The following MMP25 variants were observed in gnomAD, a reference collection of about 807,000 sequenced individuals.
MMP25 encodes matrix metallopeptidase 25, also known as matrix metalloproteinase-25.
A neutral mutation model predicts 62.1 loss-of-function variants in MMP25; 68 were observed. That is an observed-to-expected ratio of 1.10 (90% confidence interval 0.90 to 1.34). MMP25 has a LOEUF of 1.34. Ranked by LOEUF, MMP25 falls within the 40% of genes most tolerant of loss-of-function variation. MMP25 has a pLI of 0.00. For synonymous variants in MMP25, 407 were observed against 345.6 expected (o/e 1.18, Z -1.97); for missense variants, 942 against 792.5 (o/e 1.19, Z -2.26).
chr16:3,046,747 G>A lies in MMP25; in HGVS notation c.-171G>A. The A allele has an allele frequency of 2.3e-6, 1 of 431,098 alleles. No individual in the cohort carries two copies. The allele number at this position is 431,098 out of a possible 1,614,324, so 26.7% of individuals were successfully genotyped here. A position where few individuals can be genotyped will look rare whatever the true frequency, so the allele number is the denominator to read the frequency against. ...TCCGGGACCCTCCGCTGACTCCACCGCGCACTTCCCGGGACCCCCACACAC... is the reference window on the plus strand; with the variant it reads ...TCCGGGACCCTCCGCTGACTCCACCACGCACTTCCCGGGACCCCCACACAC... On this transcript the variant is annotated 5_prime_UTR_variant, in exon 1 of 10. Coordinates refer to ENST00000336577, the MANE Select transcript of MMP25 (RefSeq NM_022468.5).
intron 2 of MMP25, among the ~76,000 whole-genome samples, chr16:3,049,264 A>T (rs572434329): frequency 6.6e-6 from 1 of 152,010 alleles, no homozygotes; most frequent in Non-Finnish European, 1.5e-5. Context: ...CGGGGTGTAT[A>T]TTTTGGAGGC....
rs1255586803 is a variant in MMP25, at chr16:3,057,172, G to C, written c.801G>C (p.Leu267=). 1 of 1,612,968 alleles carries C rather than the reference G, an allele frequency of 6.2e-7. No individual in the cohort carries two copies. The highest frequency in any genetic ancestry group is 1.7e-5 in the Admixed American group (1 of 59,806). Residue 267 remains leucine, a synonymous_variant, in exon 5 of 10, where the codon CTG becomes CTC. Transcript: ENST00000336577. Reference sequence around the variant, plus strand: ...TGGGCGACCCTGACAAGTACCGCCTGTCTCAGGATGACCGCGATGGCCTGC... The same window carrying C: ...TGGGCGACCCTGACAAGTACCGCCTCTCTCAGGATGACCGCGATGGCCTGC... ...GPVGDPDKYR[L]SQDDRDGLQQ...
rs984163883 is a variant in MMP25, at chr16:3,046,578, C to A, written c.-340C>A. 5.2e-6 allele frequency: 1 copy of A among 191,904 alleles called. No homozygotes were observed. The highest frequency in any genetic ancestry group is 2.4e-5 in the African/African-American group (1 of 42,332). 11.9% of individuals were successfully genotyped at this position (191,904 alleles called of 1,614,324 possible). A position where few individuals can be genotyped will look rare whatever the true frequency, so the allele number is the denominator to read the frequency against. ...CCCGCCCCACCCAGCCCTCCGCTCGCGCCCGGAGAGGAGGGGCCGCTGGCG... is the reference window on the plus strand; with the variant it reads ...CCCGCCCCACCCAGCCCTCCGCTCGAGCCCGGAGAGGAGGGGCCGCTGGCG... On this transcript the variant is annotated 5_prime_UTR_variant, in exon 1 of 10. Coordinates refer to ENST00000336577, the MANE Select transcript of MMP25 (RefSeq NM_022468.5).
rs1348962500 is a variant in MMP25 at position 3,050,318 on chromosome 16, G to A, written c.433G>A (p.Ala145Thr). Residue 145 changes from alanine (A) to threonine (T), a missense_variant, in exon 4 of 10, where the codon GCC (alanine) becomes ACC (threonine). Transcript: ENST00000336577. ...QETVRVLMSY[A>T]LMAWGMESGL... ...GACCGTGCGGGTCCTCATGAGCTAT[G>A]CCCTGATGGCCTGGGGCATGGAGTC... The A allele has an allele frequency of 2.5e-6, 4 of 1,613,824 alleles. No individual in the cohort carries two copies. The Admixed American group carries it at 5.0e-5, about 20-fold the overall frequency.
Position 3,047,436 on chromosome 16 carries a change from T to G in MMP25, c.121T>G (p.Tyr41Asp). 1 of 1,613,602 alleles carries G rather than the reference T, an allele frequency of 6.2e-7. No individual in the cohort carries two copies. The highest frequency in any genetic ancestry group is 8.5e-7 in the Non-Finnish European group (1 of 1,179,818). Residue 41 changes from tyrosine (Y) to aspartate (D), a missense_variant, in exon 2 of 10, where the codon TAC becomes GAC. Transcript: ENST00000336577. ...LGVDWLTRYG[Y>D]LPPPHPAQAQ... is the part of the protein sequence containing the mutation. ...CTAGGACTGGCTGACTCGCTATGGTTACCTGCCGCCACCCCACCCTGCCCA... is the reference window on the plus strand; with the variant it reads ...CTAGGACTGGCTGACTCGCTATGGTGACCTGCCGCCACCCCACCCTGCCCA...
Position 3,047,416 on chromosome 16 carries a change from A to G in MMP25, c.101A>G (p.Asp34Gly), listed in dbSNP as rs1193184303. ...CACCTGCCCCCTCCGATGCCCTAGGACTGGCTGACTCGCTATGGTTACCTG... is the reference window on the plus strand; with the variant it reads ...CACCTGCCCCCTCCGATGCCCTAGGGCTGGCTGACTCGCTATGGTTACCTG... ...PSAQDVSLGV[D>G]WLTRYGYLPP... Residue 34 changes from aspartate (D) to glycine (G), a missense_variant and splice_region_variant, in exon 2 of 10, where the codon GAC (aspartate) becomes GGC (glycine). Transcript: ENST00000336577. 1 of 1,612,938 alleles carries G rather than the reference A, an allele frequency of 6.2e-7. No individual in the cohort carries two copies. The highest frequency in any genetic ancestry group is 8.5e-7 in the Non-Finnish European group (1 of 1,179,476).
intron 2 of MMP25, among the ~76,000 whole-genome samples, chr16:3,048,085 G>A (rs990182357): frequency 2.6e-5 from 4 of 152,078 alleles, no homozygotes; most frequent in African/African-American, 7.2e-5. Context: ...GTAACCCGCC[G>A]GCCTTGGCCT....
At chr16:3,056,692 G>A (rs1280152426) in intron 4 of MMP25, 3 of 245,136 alleles carry the variant, frequency 1.2e-5, no homozygotes, top group East Asian at 9.7e-5. Context: ...TGGGTTTACA[G>A]GCATGAGCCA....
Position 3,057,059 on chromosome 16 carries a change from G to A in MMP25, c.688G>A (p.Val230Met), listed in dbSNP as rs1445931404. Residue 230 changes from valine to methionine, a missense_variant, in exon 5 of 10, where the codon GTG (valine) becomes ATG (methionine). By Grantham distance (21) the Val-to-Met change is conservative. Coordinates refer to ENST00000336577, the MANE Select transcript of MMP25 (RefSeq NM_022468.5). Reference sequence around the variant, plus strand: ...CGGCGAGGGGACCGACCTGTTTGCCGTGGCTGTCCATGAGTTTGGCCACGC... The same window carrying A: ...CGGCGAGGGGACCGACCTGTTTGCCATGGCTGTCCATGAGTTTGGCCACGC... ...KDGEGTDLFA[V>M]AVHEFGHALG... 13 of 1,594,852 alleles carry A rather than the reference G, an allele frequency of 8.2e-6. No individual in the cohort carries two copies. The highest frequency in any genetic ancestry group is 5.6e-5 in the South Asian group (5 of 89,418).
chr16:3,058,289 C>A lies in MMP25; in HGVS notation c.1115C>A (p.Ala372Asp), dbSNP rs1313209293. ...CCCGCCCAGGTGAGGGTGGTGCAGG[C>A]CGCCTATGCTCGGCACCGAGACGGC... is the stretch of plus-strand genomic sequence containing the variant. ...GLPAQVRVVQ[A>D]AYARHRDGRI... The change falls in exon 8 of 10, where the codon GCC becomes GAC. Residue 372 changes from alanine (A) to aspartate (D), a missense_variant. Ala to Asp is a moderately radical substitution (Grantham distance 126). Coordinates refer to ENST00000336577, the MANE Select transcript of MMP25 (RefSeq NM_022468.5). The A allele has an allele frequency of 6.2e-7, 1 of 1,608,232 alleles. No homozygotes were observed. Among genetic ancestry groups the A allele is most frequent in the South Asian group, 1.1e-5 (1 of 90,674 alleles).
rs1284931475 is a variant in MMP25, at chr16:3,060,480, C to G, written c.*1382C>G. The G allele has an allele frequency of 6.6e-6, 1 of 152,154 alleles. No homozygotes were observed. The highest frequency in any genetic ancestry group is 1.5e-5 in the Non-Finnish European group (1 of 68,048). 9.4% of individuals were successfully genotyped at this position (152,154 alleles called of 1,614,324 possible). A position where few individuals can be genotyped will look rare whatever the true frequency, so the allele number is the denominator to read the frequency against. Reference sequence around the variant, plus strand: ...GTCCAGCCTCAGTGACCCCCTAGTGCTTCCTGGAGCTGAGGCTGTGGGCGG... The same window carrying G: ...GTCCAGCCTCAGTGACCCCCTAGTGGTTCCTGGAGCTGAGGCTGTGGGCGG... On this transcript the variant is annotated 3_prime_UTR_variant, in exon 10 of 10. Transcript: ENST00000336577.
intron 9 of MMP25, 77 bp downstream of exon 9, chr16:3,058,746 C>T: frequency 5.3e-6 from 8 of 1,517,090 alleles, no homozygotes; most frequent in Non-Finnish European, 7.1e-6. Context: ...ACATGGAGGC[C>T]ACCCTGCGGG....
At position 3,059,034 on chromosome 16, in the gene MMP25, G is replaced by T; in HGVS notation, c.1625G>T (p.Arg542Leu). ...CQCELNQAAG[R>L]WPAPIPLLLL... Reference sequence around the variant, plus strand: ...TGCGAGCTCAACCAGGCCGCAGGACGTTGGCCTGCTCCCATCCCGCTGCTC... The same window carrying T: ...TGCGAGCTCAACCAGGCCGCAGGACTTTGGCCTGCTCCCATCCCGCTGCTC... The change falls in exon 10 of 10, where the codon CGT (arginine) becomes CTT (leucine). Residue 542 changes from arginine (R) to leucine (L), a missense_variant. Transcript: ENST00000336577. The T allele has an allele frequency of 1.9e-6, 3 of 1,553,698 alleles. No homozygotes were observed. Among genetic ancestry groups the T allele is most frequent in the Non-Finnish European group, 2.6e-6 (3 of 1,148,392 alleles).
In MMP25 at chr16:3,058,570, G is replaced by A. The variant is rs760635037; in HGVS notation, c.1318G>A (p.Asp440Asn). Residue 440 changes from aspartate to asparagine, a missense_variant, in exon 9 of 10, where the codon GAC (aspartate) becomes AAC (asparagine). Asp to Asn is a conservative substitution (Grantham distance 23). Transcript: ENST00000336577. ...CCGCGGCCGGCAGTACTGGCGCTACGACGAGGCGGCGGCGCGCCCGGACCC... is the reference window on the plus strand; with the variant it reads ...CCGCGGCCGGCAGTACTGGCGCTACAACGAGGCGGCGGCGCGCCCGGACCC... Reference protein sequence around the residue: ...LVRGRQYWRYDEAAARPDPGY... With the variant: ...LVRGRQYWRYNEAAARPDPGY... 9.9e-6 allele frequency: 16 copies of A among 1,609,906 alleles called. No homozygotes were observed. Among genetic ancestry groups the A allele is most frequent in the Non-Finnish European group, 8.5e-7 (1 of 1,178,864 alleles).
In MMP25 at chr16:3,050,248, C is replaced by T; in HGVS notation, c.369-6C>T. Reference sequence around the variant, plus strand: ...CCACCCTTACACCTCACTCCCCTCTCCCCAGGGTACGTTCCTTCCCCCAGA... The same window carrying T: ...CCACCCTTACACCTCACTCCCCTCTTCCCAGGGTACGTTCCTTCCCCCAGA... On this transcript the variant is annotated splice_region_variant and splice_polypyrimidine_tract_variant and intron_variant, in intron 3 of 9. Coordinates refer to ENST00000336577, the MANE Select transcript of MMP25 (RefSeq NM_022468.5). The T allele has an allele frequency of 6.3e-7, 1 of 1,587,360 alleles. No individual in the cohort carries two copies. The highest frequency in any genetic ancestry group is 8.6e-7 in the Non-Finnish European group (1 of 1,163,618).
rs1955827875 is a variant in MMP25, at chr16:3,046,897, C to T, written c.-21C>T. The stretch of plus-strand genomic sequence containing the variant: ...CCAGGCCCCCTTCGAACCCCGCCGG[C>T]GGCCCGGGCTGGGGCGCACCATGCG... On this transcript the variant is annotated 5_prime_UTR_variant, in exon 1 of 10. Coordinates refer to ENST00000336577, the MANE Select transcript of MMP25 (RefSeq NM_022468.5). 8 of 1,367,844 alleles carry T rather than the reference C, an allele frequency of 5.8e-6. No homozygotes were observed. The highest frequency in any genetic ancestry group is 7.6e-6 in the Non-Finnish European group (8 of 1,057,460). The allele number at this position is 1,367,844 out of a possible 1,614,324, so 84.7% of individuals were successfully genotyped here.
rs1345006928 is a variant in MMP25 at position 3,055,384 on chromosome 16, CCA to C, written c.662-1648_662-1647del. Among the ~76,000 whole-genome samples the C allele has an allele frequency of 1.1e-4, 17 of 152,288 alleles. 1 individual carries two copies. The highest frequency in any genetic ancestry group is 9.1e-4 in the Admixed American group (14 of 15,302). On this transcript the variant is annotated intron_variant, in intron 4 of 9. Coordinates refer to ENST00000336577, the MANE Select transcript of MMP25 (RefSeq NM_022468.5). The stretch of plus-strand genomic sequence containing the variant: ...CCCTGATTGAAACACCAAACTACCC[CCA>C]GTTTCTCAGAAAAAGGACTCAGAGC...
Position 3,056,831 on chromosome 16 carries a change from AG to A in MMP25, c.662-201del, listed in dbSNP as rs1956017440. 8 of 551,752 alleles carry A rather than the reference AG, an allele frequency of 1.4e-5. No homozygotes were observed. The South Asian group carries it at 1.7e-4, about 12-fold the overall frequency. 34.2% of individuals were successfully genotyped at this position (551,752 alleles called of 1,614,324 possible). A position where few individuals can be genotyped will look rare whatever the true frequency, so the allele number is the denominator to read the frequency against. ...CTGGATCTTTTCAGCCCTGTGGTCC[AG>A]TGTCCATCACAGCCATGCTGACTGA... On this transcript the variant is annotated intron_variant, in intron 4 of 9. Coordinates refer to ENST00000336577, the MANE Select transcript of MMP25 (RefSeq NM_022468.5).
intron 8 of MMP25, 26 bp downstream of exon 8, chr16:3,058,359 G>C (rs1347405143): frequency 5.3e-6 from 8 of 1,509,192 alleles, no homozygotes; most frequent in Non-Finnish European, 7.1e-6. Context: ...GGCGGGGCGC[G>C]CTGGGGCCGG....
Sources: gnomAD v4.1 joint callset for allele counts (sites outside exome capture counted in the v4.1 genomes callset) on GRCh38, gnomAD v4.1.1 for gene constraint, MANE v1.5 for transcripts, NCBI Gene and HGNC (gene_info 2026-07-23, HGNC 2026-07-21) for gene names.